GTSE1: variants seen among roughly 807,000 people sequenced by gnomAD.
GTSE1 encodes G2 and S phase-expressed protein 1.
In GTSE1, 52 loss-of-function variants were observed where a neutral mutation model predicts 60.5. The ratio of observed to expected loss-of-function variants is 0.86; its 90% CI spans 0.69 to 1.08. The LOEUF (loss-of-function observed/expected upper bound fraction) is 1.08, where lower values mean the gene tolerates loss of function less well. GTSE1 is among the 50% of genes least tolerant of loss of function. The pLI is 0.00. For missense variants in GTSE1, 937 were observed against 961.8 expected, an observed-to-expected ratio of 0.97 and a Z score of 0.34; for synonymous variants, 368 against 386.5, an observed-to-expected ratio of 0.95 and a Z score of 0.56.
rs982665643 is a variant in GTSE1, at chr22:46,304,879, C to T, written c.80-3271C>T. On this transcript the variant is annotated intron_variant, in intron 2 of 11. Transcript: ENST00000454366. This position sits in a 1 kb window ranked among gnomAD's most constrained non-coding sequence, Gnocchi z 4.4. Reference sequence around the variant, plus strand: ...CTGTAGTCCCAGCTACTCGGGAAGCCGAGACAGGAGGATCCCTCGAGTCCA... The same window carrying T: ...CTGTAGTCCCAGCTACTCGGGAAGCTGAGACAGGAGGATCCCTCGAGTCCA... Among the ~76,000 whole-genome samples, 5 of 151,884 alleles carry T rather than the reference C, an allele frequency of 3.3e-5. No homozygotes were observed. The highest frequency in any genetic ancestry group is 1.3e-4 in the Admixed American group (2 of 15,236).
At chr22:46,323,893 C>T (rs9615346) in intron 8 of GTSE1, among the ~76,000 whole-genome samples, 10,794 of 152,098 alleles carry the variant, frequency 0.071, 538 homozygotes, top group Non-Finnish European at 0.11. Flanking sequence ...GGGGTTTCAC[C>T]GTGTTAGCCA....
In GTSE1 at chr22:46,309,702, G is replaced by A. The variant is rs2077737594; in HGVS notation, c.762+759G>A. Among the ~76,000 whole-genome samples the A allele has an allele frequency of 6.6e-6, 1 of 152,192 alleles. No homozygotes were observed. The highest frequency in any genetic ancestry group is 2.1e-4 in the South Asian group (1 of 4,832). ...CCTGAGCCACATGACTCCCTGTGGT[G>A]AGAGCCAAGGATGGAAGGCAGCCGA... On this transcript the variant is annotated intron_variant, in intron 4 of 11. Transcript: ENST00000454366. The surrounding 1 kb of genome is among the most constrained non-coding windows in gnomAD (Gnocchi z 6.2).
rs772240859 is a variant in GTSE1 at position 46,308,286 on chromosome 22, G to A, written c.138-33G>A. 1.2e-5 allele frequency: 20 copies of A among 1,609,096 alleles called. No homozygotes were observed. In the South Asian group the frequency reaches 1.4e-4, roughly 12 times the overall value. On this transcript the variant is annotated intron_variant, in intron 3 of 11. Coordinates refer to ENST00000454366, the MANE Select transcript of GTSE1 (RefSeq NM_016426.7). Reference sequence around the variant, plus strand: ...TCTTTCCTTTAAATGCCAGTGTTATGAGTTATTAATCATTCTTTTTTTAAA... The same window carrying A: ...TCTTTCCTTTAAATGCCAGTGTTATAAGTTATTAATCATTCTTTTTTTAAA...
At chr22:46,301,156 A>T (rs544330702) in intron 2 of GTSE1, among the ~76,000 whole-genome samples, 1 of 152,194 alleles carries the variant, frequency 6.6e-6, no homozygotes, top group Non-Finnish European at 1.5e-5. Context: ...GTGGGTGAAC[A>T]TTTAGTTTGT....
In GTSE1 at chr22:46,320,167, T is replaced by G. The variant is rs1014586764; in HGVS notation, c.1433-3023T>G. 6.6e-6 allele frequency among the ~76,000 whole-genome samples: 1 copy of G among 152,094 alleles called. No homozygotes were observed. Among genetic ancestry groups the G allele is most frequent in the African/African-American group, 2.4e-5 (1 of 41,394 alleles). ...TCTCTCCTGACCACGTTGGCACAAG[T>G]GTTGGCTGGTCTCCTGGCTGTCGGG... On this transcript the variant is annotated intron_variant, in intron 7 of 11. Coordinates refer to ENST00000454366, the MANE Select transcript of GTSE1 (RefSeq NM_016426.7). This position sits in a 1 kb window ranked among gnomAD's most constrained non-coding sequence, Gnocchi z 7.1.
Position 46,329,303 on chromosome 22 carries a change from A to G in GTSE1, c.1927-55A>G. 3 of 1,384,610 alleles carry G rather than the reference A, an allele frequency of 2.2e-6. No homozygotes were observed. The highest frequency in any genetic ancestry group is 3.1e-6 in the Non-Finnish European group (3 of 973,734). The allele number at this position is 1,384,610 out of a possible 1,614,324, so 85.8% of individuals were successfully genotyped here. On this transcript the variant is annotated intron_variant, in intron 10 of 11. Coordinates refer to ENST00000454366, the MANE Select transcript of GTSE1 (RefSeq NM_016426.7). This position sits in a 1 kb window ranked among gnomAD's most constrained non-coding sequence, Gnocchi z 6.4. The stretch of plus-strand genomic sequence containing the variant: ...CATGAGCAAAGCTCACATTCTCCCA[A>G]GATGGTTGCCAGAAAGATGCTGGAC...
intron 2 of GTSE1, among the ~76,000 whole-genome samples, chr22:46,302,448 C>T (rs527702215): frequency 9.2e-5 from 14 of 152,194 alleles, no homozygotes; most frequent in African/African-American, 3.1e-4. Context: ...GATTGTGGCT[C>T]ACTGCAGCTT....
At chr22:46,328,196 C>T (rs1601919061) in intron 9 of GTSE1, among the ~76,000 whole-genome samples, 2 of 152,272 alleles carry the variant, frequency 1.3e-5, no homozygotes, top group Admixed American at 1.3e-4. Context: ...TGGGAGACGC[C>T]ATTGGAAAGC....
intron 2 of GTSE1, among the ~76,000 whole-genome samples, chr22:46,306,446 G>A (rs1432949978): frequency 6.6e-6 from 1 of 151,848 alleles, no homozygotes; most frequent in Non-Finnish European, 1.5e-5. Context: ...CTCCCAAAGT[G>A]CTGGGATTAC....
Position 46,316,413 on chromosome 22 carries a change from G to T in GTSE1, c.1432+1G>T. The T allele has an allele frequency of 6.6e-7, 1 of 1,506,628 alleles. No individual in the cohort carries two copies. The highest frequency in any genetic ancestry group is 9.1e-7 in the Non-Finnish European group (1 of 1,095,350). The allele number at this position is 1,506,628 out of a possible 1,614,324, so 93.3% of individuals were successfully genotyped here. On this transcript the variant is annotated splice_donor_variant, in intron 7 of 11. Transcript: ENST00000454366. LOFTEE classifies it high-confidence loss of function. This position sits in a 1 kb window ranked among gnomAD's most constrained non-coding sequence, Gnocchi z 5.0. ...TTTAAAATTCCTAAGTTTTCTATTG[G>T]TGAGTAATAGATACATTTTAATGTG...
chr22:46,301,583 G>T (rs532260739), intron 2 of GTSE1, among the ~76,000 whole-genome samples: 1 of 151,342 alleles, frequency 6.6e-6, no homozygotes, highest in South Asian at 2.1e-4. Flanking sequence ...CCCCTCTCAG[G>T]TTCCAGCAAT....
chr22:46,301,783 C>T (rs1275711496), intron 2 of GTSE1, among the ~76,000 whole-genome samples: 2 of 152,150 alleles, frequency 1.3e-5, no homozygotes, highest in East Asian at 3.9e-4. Flanking sequence ...GCCACAGCGC[C>T]CAGCCTCATT....
intron 9 of GTSE1, 65 bp from the exon 10 acceptor site, chr22:46,328,623 C>T (rs1207359152): frequency 2.3e-6 from 3 of 1,286,614 alleles, no homozygotes; most frequent in Non-Finnish European, 3.4e-6. Context: ...GACTTGCTTC[C>T]CACATCAGCC....
rs2077725460 is a variant in GTSE1, at chr22:46,308,131, G to A, written c.80-19G>A. ...TATCAGCTGTGGCACTAAAATAACA[G>A]TGGATTTTTTCCCTCTAGACATTCT... On this transcript the variant is annotated intron_variant, in intron 2 of 11. Transcript: ENST00000454366. 1.3e-6 allele frequency: 2 copies of A among 1,568,952 alleles called. No individual in the cohort carries two copies. The highest frequency in any genetic ancestry group is 3.3e-5 in the Admixed American group (2 of 59,838).
At chr22:46,306,925 G>T (rs147800760) in intron 2 of GTSE1, among the ~76,000 whole-genome samples, 4 of 152,194 alleles carry the variant, frequency 2.6e-5, no homozygotes, top group Non-Finnish European at 5.9e-5. Flanking sequence ...TGGGAATTTG[G>T]GTTAGTGTTA....
In GTSE1 at chr22:46,313,948, A is replaced by G. The variant is rs764541088; in HGVS notation, c.986A>G (p.Lys329Arg). The G allele has an allele frequency of 3.1e-6, 5 of 1,614,196 alleles. No individual in the cohort carries two copies. Among genetic ancestry groups the G allele is most frequent in the South Asian group, 1.1e-5 (1 of 91,090 alleles). The change falls in exon 6 of 12, where the codon AAG becomes AGG. Residue 329 changes from lysine to arginine, a missense_variant. Coordinates refer to ENST00000454366, the MANE Select transcript of GTSE1 (RefSeq NM_016426.7). This position sits in a 1 kb window ranked among gnomAD's most constrained non-coding sequence, Gnocchi z 4.4. The stretch of plus-strand genomic sequence containing the variant: ...GGCTCTACCAGCAATCTCGCAAGGA[A>G]GTCCTCCTCGGGGCCTGTTTGGAGC... ...APGSTSNLAR[K>R]SSSGPVWSGA...
chr22:46,299,890 T>C (rs1169266629), intron 2 of GTSE1, among the ~76,000 whole-genome samples: 1 of 151,260 alleles, frequency 6.6e-6, no homozygotes, highest in Non-Finnish European at 1.5e-5. Context: ...CCTCTTGGGT[T>C]CAAGCAATTC....
rs2077703481 is a variant in GTSE1, at chr22:46,304,031, T to C, written c.80-4119T>C. On this transcript the variant is annotated intron_variant, in intron 2 of 11. Transcript: ENST00000454366. The surrounding 1 kb of genome is among the most constrained non-coding windows in gnomAD (Gnocchi z 4.4). ...TGGTTTTTGGTTTGTTTTGAGACAGTGTCTCTTGCTCTATTGCCCAGGATG... is the reference window on the plus strand; with the variant it reads ...TGGTTTTTGGTTTGTTTTGAGACAGCGTCTCTTGCTCTATTGCCCAGGATG... Among the ~76,000 whole-genome samples, 1 of 152,180 alleles carries C rather than the reference T, an allele frequency of 6.6e-6. No individual in the cohort carries two copies. The highest frequency in any genetic ancestry group is 2.1e-4 in the South Asian group (1 of 4,836).
chr22:46,299,337 C>A (rs1171662259), intron 2 of GTSE1, among the ~76,000 whole-genome samples: 1 of 152,254 alleles, frequency 6.6e-6, no homozygotes, highest in Non-Finnish European at 1.5e-5. Context: ...GCGGCACCCA[C>A]GTTTTGTCTT....
Sources: allele counts gnomAD v4.1 joint callset (sites outside exome capture counted in the v4.1 genomes callset), GRCh38; gene constraint gnomAD v4.1.1; non-coding constraint Gnocchi (gnomAD v3.1); transcripts MANE v1.5; gene names NCBI Gene and HGNC (gene_info 2026-07-23, HGNC 2026-07-21).